ANO3: variants seen among roughly 807,000 people sequenced by gnomAD.
The protein encoded by ANO3 is anoctamin 3.
In ANO3, 99 loss-of-function variants were observed where a neutral mutation model predicts 144.8. The ratio of observed to expected loss-of-function variants is 0.68; its 90% CI spans 0.58 to 0.81. ANO3 has a LOEUF of 0.81. Among genes scored for constraint, ANO3 ranks in the 30% least tolerant of loss-of-function variants. The pLI, the probability that ANO3 is intolerant of heterozygous loss-of-function variation, is 0.00. For synonymous variants in ANO3, 414 were observed against 392.6 expected (o/e 1.05, Z -0.64); for missense variants, 905 against 1,202.2 (o/e 0.75, Z 3.66).
At chr11:26,371,569 G>A (rs962178038) in intron 1 of ANO3, among the ~76,000 whole-genome samples, 5 of 152,198 alleles carry the variant, frequency 3.3e-5, no homozygotes, top group Admixed American at 6.5e-5. Context: ...AAGAGCCGCA[G>A]GCACTCAACG....
intron 1 of ANO3, among the ~76,000 whole-genome samples, chr11:26,359,515 C>A (rs1855868036): frequency 6.6e-6 from 1 of 151,946 alleles, no homozygotes; most frequent in Non-Finnish European, 1.5e-5. Flanking sequence ...CAATGCTATT[C>A]TGACAACTTA....
At chr11:26,201,189 T>C (rs1348738606) in intron 1 of ANO3, among the ~76,000 whole-genome samples, 1 of 152,148 alleles carries the variant, frequency 6.6e-6, no homozygotes, top group Non-Finnish European at 1.5e-5. Flanking sequence ...ACCAACATTT[T>C]ATCTTCTATG....
chr11:26,323,984 G>A (rs1854824896), intron 1 of ANO3, among the ~76,000 whole-genome samples: 1 of 152,202 alleles, frequency 6.6e-6, no homozygotes, highest in African/African-American at 2.4e-5. Context: ...TCCATCTCCA[G>A]AGAAATGTCA....
At chr11:26,452,308 A>G (rs1858974683) in intron 3 of ANO3, among the ~76,000 whole-genome samples, 1 of 152,192 alleles carries the variant, frequency 6.6e-6, no homozygotes, top group Non-Finnish European at 1.5e-5. Flanking sequence ...TTCAAACCAA[A>G]GGCAAAGAAG....
chr11:26,541,196 C>T (rs1172748839), intron 10 of ANO3, among the ~76,000 whole-genome samples: 9 of 151,982 alleles, frequency 5.9e-5, no homozygotes, highest in Non-Finnish European at 7.4e-5. Context: ...AACACAGGAA[C>T]GGAAAACGAA....
chr11:26,578,610 G>A (rs575053359), intron 14 of ANO3, among the ~76,000 whole-genome samples: 1 of 152,158 alleles, frequency 6.6e-6, no homozygotes, highest in Non-Finnish European at 1.5e-5. Context: ...AGTGAGGGAT[G>A]ATCTGGAAAT....
chr11:26,590,356 T>C (rs1176401538), intron 14 of ANO3, among the ~76,000 whole-genome samples: 10 of 152,220 alleles, frequency 6.6e-5, no homozygotes, highest in Admixed American at 6.5e-4. Flanking sequence ...TTTTATAAAT[T>C]AAAAAATTGA....
intron 1 of ANO3, among the ~76,000 whole-genome samples, chr11:26,296,199 T>C (rs1360515982): frequency 6.6e-6 from 1 of 152,264 alleles, no homozygotes; most frequent in African/African-American, 2.4e-5. Context: ...GAAAATGTTC[T>C]TGCTACCTAA....
intron 17 of ANO3, among the ~76,000 whole-genome samples, chr11:26,604,665 C>G (rs959659764): frequency 3.3e-5 from 5 of 151,954 alleles, no homozygotes; most frequent in Non-Finnish European, 7.4e-5. Flanking sequence ...ATTTTATTCT[C>G]TTTGTAGCAA....
At chr11:26,472,415 C>T (rs1859815306) in intron 4 of ANO3, among the ~76,000 whole-genome samples, 1 of 151,890 alleles carries the variant, frequency 6.6e-6, no homozygotes, top group South Asian at 2.1e-4. Context: ...TTTTTACCCC[C>T]ATTTCATAGG....
At chr11:26,417,794 C>A (rs1399460998) in intron 1 of ANO3, among the ~76,000 whole-genome samples, 2 of 151,842 alleles carry the variant, frequency 1.3e-5, no homozygotes, top group African/African-American at 2.4e-5. Context: ...ATAAATATTA[C>A]TGAAAAGAGT....
chr11:26,554,110 G>A (rs1233583702), intron 13 of ANO3, among the ~76,000 whole-genome samples: 2 of 151,960 alleles, frequency 1.3e-5, no homozygotes, highest in Non-Finnish European at 2.9e-5. Flanking sequence ...CTTCCCCTGT[G>A]CTCTAGCAGC....
chr11:26,562,038 CA>C (rs1355750686), intron 14 of ANO3, among the ~76,000 whole-genome samples: 1 of 151,868 alleles, frequency 6.6e-6, no homozygotes, highest in Non-Finnish European at 1.5e-5. Flanking sequence ...ATGGATAAAA[CA>C]GTTGTTGTGG....
chr11:26,569,475 C>A (rs1015217909), intron 14 of ANO3, among the ~76,000 whole-genome samples: 1 of 152,052 alleles, frequency 6.6e-6, no homozygotes, highest in Admixed American at 6.6e-5. Context: ...GCCACTTACT[C>A]AGGTTCCTTT....
chr11:26,343,575 G>C (rs1035560073), intron 1 of ANO3, among the ~76,000 whole-genome samples: 1 of 152,064 alleles, frequency 6.6e-6, no homozygotes, highest in Admixed American at 6.6e-5. Context: ...ACTTGCAGCT[G>C]GTCGTGCATT....
intron 1 of ANO3, among the ~76,000 whole-genome samples, chr11:26,236,214 T>C (rs1226010822): frequency 6.6e-6 from 1 of 152,172 alleles, no homozygotes; most frequent in Admixed American, 6.5e-5. Flanking sequence ...ATTTAATAAA[T>C]AAACTTATAC....
intron 1 of ANO3, among the ~76,000 whole-genome samples, chr11:26,425,996 T>C (rs1207644704): frequency 6.6e-6 from 1 of 152,154 alleles, no homozygotes; most frequent in Non-Finnish European, 1.5e-5. Context: ...CGTGTAGTCT[T>C]AGTTTCTCCA....
chr11:26,236,306 T>C (rs1267302471), intron 1 of ANO3, among the ~76,000 whole-genome samples: 1 of 152,172 alleles, frequency 6.6e-6, no homozygotes, highest in Non-Finnish European at 1.5e-5. Context: ...ACATAGATAG[T>C]TTTGCTGGCT....
intron 4 of ANO3, among the ~76,000 whole-genome samples, chr11:26,504,496 A>G (rs1861334043): frequency 6.6e-6 from 1 of 151,806 alleles, no homozygotes; most frequent in Admixed American, 6.6e-5. Context: ...GTAGAATAAG[A>G]CTGTGAGCAA....
Sources: gnomAD v4.1 joint callset for allele counts (sites outside exome capture counted in the v4.1 genomes callset) on GRCh38, gnomAD v4.1.1 for gene constraint, MANE v1.5 for transcripts, NCBI Gene and HGNC (gene_info 2026-07-23, HGNC 2026-07-21) for gene names.